Variants in LSG1 observed in about 807,000 individuals in gnomAD.
LSG1 encodes the protein large subunit GTPase 1 homolog.
A neutral mutation model predicts 82.6 loss-of-function variants in LSG1; 55 were observed. The observed-to-expected ratio is 0.67, with a 90% CI of 0.54 to 0.83. The LOEUF is 0.83. Ranked by LOEUF, LSG1 falls within the 40% of genes least tolerant of loss-of-function variation. The pLI is 0.00. For synonymous variants in LSG1, 272 were observed against 282.5 expected (o/e 0.96, Z 0.37); for missense variants, 809 against 807.9 (o/e 1.00, Z -0.02).
chr3:194,646,134 T>C, intron 12 of LSG1, 30 bp downstream of exon 12: 2 of 1,605,436 alleles, frequency 1.2e-6, no homozygotes, highest in Non-Finnish European at 1.7e-6. Context: ...ACTTGTGTAT[T>C]GGAGAGCATG....
chr3:194,645,555 C>G (rs868668686), intron 12 of LSG1, among the ~76,000 whole-genome samples: 632 of 43,858 alleles, frequency 0.014, 18 homozygotes, highest in Middle Eastern at 0.041. Flanking sequence ...CACACACACA[C>G]ACACACACAC....
At chr3:194,666,361 T>C in intron 3 of LSG1, 72 bp from the exon 4 acceptor site, 1 of 1,598,856 alleles carries the variant, frequency 6.3e-7, no homozygotes, top group Non-Finnish European at 8.5e-7. Flanking sequence ...TTGGATCTAA[T>C]AATGGCAGCT....
At chr3:194,654,502 T>C (rs778959969) in intron 7 of LSG1, among the ~76,000 whole-genome samples, 2 of 152,148 alleles carry the variant, frequency 1.3e-5, no homozygotes, top group Non-Finnish European at 2.9e-5. Context: ...GAAAAATAGG[T>C]ATGATTTAAC....
chr3:194,645,541 C>CACACACACACACAG (rs1560219676), intron 12 of LSG1: 1 of 40,742 alleles, frequency 2.5e-5, no homozygotes, highest in Non-Finnish European at 4.9e-5. Context: ...GACAGACACA[C>CACACACACACACAG]ACACACACAC....
chr3:194,666,094 T>C (rs764853664), intron 4 of LSG1, 109 bp downstream of exon 4: 48 of 960,688 alleles, frequency 5.0e-5, no homozygotes, highest in Non-Finnish European at 6.8e-5. Flanking sequence ...ATGCTACCAT[T>C]TCCTTCTTAA....
In LSG1 at chr3:194,660,142, C is replaced by T; in HGVS notation, c.522-9G>A. 6.2e-7 allele frequency: 1 copy of T among 1,612,474 alleles called. No individual in the cohort carries two copies. Among genetic ancestry groups the T allele is most frequent in the Admixed American group, 1.7e-5 (1 of 60,010 alleles). ...TCTGGACCACAATATCACTGAAAAA[C>T]AAACACGAGATAGACCAATCACCGT... On this transcript the variant is annotated splice_polypyrimidine_tract_variant and intron_variant, in intron 5 of 13. Coordinates refer to ENST00000265245, the MANE Select transcript of LSG1 (RefSeq NM_018385.3).
At position 194,646,222 on chromosome 3, in the gene LSG1, G is replaced by T; in HGVS notation, c.1565C>A (p.Ala522Glu). 1 of 1,613,940 alleles carries T rather than the reference G, an allele frequency of 6.2e-7. No individual in the cohort carries two copies. Among genetic ancestry groups the T allele is most frequent in the Non-Finnish European group, 8.5e-7 (1 of 1,179,910 alleles). Residue 522 changes from alanine to glutamate, a missense_variant, in exon 12 of 14, where the codon GCG (alanine) becomes GAG (glutamate). Coordinates refer to ENST00000265245, the MANE Select transcript of LSG1 (RefSeq NM_018385.3). Reference protein sequence around the residue: ...AYGYMRGFMTAHGQPDQPRSA... With the variant: ...AYGYMRGFMTEHGQPDQPRSA... The stretch of plus-strand genomic sequence containing the variant: ...TCGAGGCTGGTCTGGCTGTCCATGC[G>T]CTGTCATGAATCCTCGCATGTCTGT...
rs186952094 is a variant in LSG1, at chr3:194,658,255, C to G, written c.759+702G>C. Among the ~76,000 whole-genome samples the G allele has an allele frequency of 1.8e-3, 267 of 152,234 alleles. 4 individuals carry two copies. The highest frequency in any genetic ancestry group is 5.9e-3 in the African/African-American group (246 of 41,538). ...CTCCGCCTCCCAGGTTCAGCCGATTCTCCTGCCTCAGCCTCCCGAGTAGCT... is the reference window on the plus strand; with the variant it reads ...CTCCGCCTCCCAGGTTCAGCCGATTGTCCTGCCTCAGCCTCCCGAGTAGCT... On this transcript the variant is annotated intron_variant, in intron 7 of 13. Transcript: ENST00000265245.
At chr3:194,671,747 T>C in intron 1 of LSG1, 1 of 392,950 alleles carries the variant, frequency 2.5e-6, no homozygotes, top group Non-Finnish European at 4.6e-6. Context: ...GTCTTTTTCC[T>C]GCTCTGGAAG....
intron 7 of LSG1, among the ~76,000 whole-genome samples, chr3:194,656,855 G>A (rs559497232): frequency 0.056 from 8,455 of 152,154 alleles, 251 homozygotes; most frequent in Middle Eastern, 0.1. Context: ...GTAGGGACGT[G>A]GATGAAGCTG....
chr3:194,656,967 G>A (rs1718802408), intron 7 of LSG1, among the ~76,000 whole-genome samples: 1 of 151,700 alleles, frequency 6.6e-6, no homozygotes, highest in African/African-American at 2.4e-5. Flanking sequence ...ATGGATACAG[G>A]AACAGGAACA....
intron 13 of LSG1, among the ~76,000 whole-genome samples, chr3:194,643,070 T>C (rs1164843070): frequency 6.6e-6 from 1 of 152,234 alleles, no homozygotes; most frequent in African/African-American, 2.4e-5. Context: ...CACCCCATCC[T>C]AACCCCTGTC....
At chr3:194,652,618 T>G in intron 8 of LSG1, 111 bp downstream of exon 8, 1 of 1,183,468 alleles carries the variant, frequency 8.4e-7, no homozygotes, top group Non-Finnish European at 1.2e-6. Flanking sequence ...AAGAGGGCAA[T>G]GTTCCCTACG....
intron 2 of LSG1, among the ~76,000 whole-genome samples, chr3:194,666,869 A>T (rs570684202): frequency 6.6e-6 from 1 of 152,266 alleles, no homozygotes; most frequent in South Asian, 2.1e-4. Context: ...AAAATACAGC[A>T]TCATCTGGTA....
intron 1 of LSG1, among the ~76,000 whole-genome samples, chr3:194,671,083 G>C (rs1319658131): frequency 6.6e-6 from 1 of 152,174 alleles, no homozygotes; most frequent in Non-Finnish European, 1.5e-5. Context: ...GTGACAGAGT[G>C]TGACCCTGTC....
At chr3:194,651,078 A>G in intron 9 of LSG1, 37 bp downstream of exon 9, 2 of 1,613,948 alleles carry the variant, frequency 1.2e-6, no homozygotes, top group South Asian at 1.1e-5. Context: ...AAAGGAAGAA[A>G]GAGCTGCATG....
Position 194,642,138 on chromosome 3 carries a change from G to A in LSG1, c.1907C>T (p.Pro636Leu). 6.2e-7 allele frequency: 1 copy of A among 1,613,632 alleles called. No homozygotes were observed. Among genetic ancestry groups the A allele is most frequent in the Non-Finnish European group, 8.5e-7 (1 of 1,179,950 alleles). ...ATTTCTGTTGCCATGTTTTTTCCAG[G>A]GCTTCCCCGCCCCGTTCTCAGAGCT... ...TASSENGAGK[P>L]WKKHGNRNKK... is the part of the protein sequence containing the mutation. Residue 636 changes from proline to leucine, a missense_variant, in exon 14 of 14, where the codon CCC (proline) becomes CTC (leucine). Pro to Leu is a moderately conservative substitution (Grantham distance 98). Coordinates refer to ENST00000265245, the MANE Select transcript of LSG1 (RefSeq NM_018385.3).
At chr3:194,645,551 C>CAGACACACACACAGACAG (rs1560219734) in intron 12 of LSG1, 1 of 48,716 alleles carries the variant, frequency 2.1e-5, no homozygotes, top group Non-Finnish European at 4.3e-5. Flanking sequence ...CACACACACA[C>CAGACACACACACAGACAG]ACACACACAC....
intron 6 of LSG1, 21 bp from the exon 7 acceptor site, chr3:194,659,154 T>C: frequency 1.9e-6 from 3 of 1,581,396 alleles, no homozygotes; most frequent in Non-Finnish European, 2.6e-6. Flanking sequence ...CAAAGAGATT[T>C]AGAAAGACCT....
Sources: gnomAD v4.1 joint callset for allele counts (sites outside exome capture counted in the v4.1 genomes callset) on GRCh38, gnomAD v4.1.1 for gene constraint, MANE v1.5 for transcripts, NCBI Gene and HGNC (gene_info 2026-07-23, HGNC 2026-07-21) for gene names.